MAP2K4: variants seen among roughly 807,000 people sequenced by gnomAD.
MAP2K4 encodes mitogen-activated protein kinase kinase 4, also known as dual specificity mitogen-activated protein kinase kinase 4.
MAP2K4 carries 4 observed loss-of-function variants against 48.5 expected under a neutral mutation model. The ratio of observed to expected loss-of-function variants is 0.08; its 90% CI spans 0.04 to 0.19. The LOEUF (loss-of-function observed/expected upper bound fraction) is 0.19, where lower values mean the gene tolerates loss of function less well. Ranked by LOEUF, MAP2K4 falls within the 10% of genes least tolerant of loss-of-function variation. MAP2K4 has a pLI of 1.00. For synonymous variants in MAP2K4, 166 were observed against 173.1 expected (o/e 0.96, Z 0.32); for missense variants, 258 against 493.3 (o/e 0.52, Z 4.52).
At chr17:12,078,985 G>A (rs1971101594) in intron 2 of MAP2K4, among the ~76,000 whole-genome samples, 1 of 152,172 alleles carries the variant, frequency 6.6e-6, no homozygotes, top group Non-Finnish European at 1.5e-5. Flanking sequence ...ACTGTGGCAT[G>A]TTTTTCTGTG....
In MAP2K4 at chr17:12,134,824, T is replaced by C. The variant is rs146223931; in HGVS notation, c.1041-5015T>C. 6.2e-3 allele frequency among the ~76,000 whole-genome samples: 950 copies of C among 152,366 alleles called. 2 individuals are homozygous for C. Among genetic ancestry groups the C allele is most frequent in the East Asian group, 0.036 (188 of 5,186 alleles). ...ACAGCTATAACAGGAGGAATGTGGT[T>C]ACTTCACATTACTTTGGTGCATTAG... is the stretch of plus-strand genomic sequence containing the variant. On this transcript the variant is annotated intron_variant, in intron 9 of 10. Transcript: ENST00000353533.
In MAP2K4 at chr17:12,066,980, A is replaced by G. The variant is rs571108261; in HGVS notation, c.218+11989A>G. ...GCGTGAGCCACCGCGCCCGGCCCAC[A>G]TGGCTAATTTTTGTATTTTTGGGTA... is the stretch of plus-strand genomic sequence containing the variant. On this transcript the variant is annotated intron_variant, in intron 2 of 10. Coordinates refer to ENST00000353533, the MANE Select transcript of MAP2K4 (RefSeq NM_003010.4). 2.0e-3 allele frequency among the ~76,000 whole-genome samples: 298 copies of G among 152,128 alleles called. 1 individual carries two copies. Among genetic ancestry groups the G allele is most frequent in the African/African-American group, 7.0e-3 (289 of 41,530 alleles).
chr17:12,025,261 A>G (rs1424683937), intron 1 of MAP2K4, among the ~76,000 whole-genome samples: 1 of 152,226 alleles, frequency 6.6e-6, no homozygotes, highest in African/African-American at 2.4e-5. Context: ...CTGTTCAGAA[A>G]TTTCTCATCT....
At chr17:12,059,994 A>G (rs1363556299) in intron 2 of MAP2K4, among the ~76,000 whole-genome samples, 1 of 152,058 alleles carries the variant, frequency 6.6e-6, no homozygotes, top group Non-Finnish European at 1.5e-5. Context: ...GCTGGGCAAC[A>G]TGGCAAAACC....
chr17:12,071,108 T>C (rs575428077), intron 2 of MAP2K4, among the ~76,000 whole-genome samples: 2 of 152,350 alleles, frequency 1.3e-5, no homozygotes, highest in Non-Finnish European at 2.9e-5. Flanking sequence ...CTCCTTTTCT[T>C]TGTTTGGTCT....
At chr17:12,057,461 T>C (rs1970316344) in intron 2 of MAP2K4, among the ~76,000 whole-genome samples, 1 of 152,182 alleles carries the variant, frequency 6.6e-6, no homozygotes, top group Non-Finnish European at 1.5e-5. Flanking sequence ...CTGGAATCTT[T>C]TAGCCTGTTT....
At chr17:12,139,598 T>C (rs763366627) in intron 9 of MAP2K4, among the ~76,000 whole-genome samples, 8 of 152,160 alleles carry the variant, frequency 5.3e-5, no homozygotes, top group Non-Finnish European at 1.0e-4. Flanking sequence ...TTTCAAGAAT[T>C]AATATTTTTT....
At chr17:12,060,730 T>TGTGC (rs1970422671) in intron 2 of MAP2K4, among the ~76,000 whole-genome samples, 2 of 117,236 alleles carry the variant, frequency 1.7e-5, no homozygotes, top group South Asian at 3.4e-4. Flanking sequence ...TACTATGGGG[T>TGTGC]GTGTGTGTGT....
intron 2 of MAP2K4, among the ~76,000 whole-genome samples, chr17:12,065,271 T>TATTATC (rs1380220483): frequency 1.8e-4 from 26 of 143,304 alleles, no homozygotes; most frequent in Non-Finnish European, 3.8e-4. Context: ...TTATTATTAT[T>TATTATC]ATTATTATTA....
At chr17:12,129,800 C>T (rs1036069082) in intron 9 of MAP2K4, among the ~76,000 whole-genome samples, 2 of 152,182 alleles carry the variant, frequency 1.3e-5, no homozygotes, top group Non-Finnish European at 2.9e-5. Flanking sequence ...TCTCTGAAAC[C>T]TTACTCCAAG....
chr17:12,044,084 C>G (rs976278531), intron 1 of MAP2K4, among the ~76,000 whole-genome samples: 2 of 152,164 alleles, frequency 1.3e-5, no homozygotes, highest in African/African-American at 4.8e-5. Flanking sequence ...AAAAGACACT[C>G]CTGTCACTCA....
chr17:12,138,207 T>C (rs1337157622), intron 9 of MAP2K4, among the ~76,000 whole-genome samples: 1 of 151,182 alleles, frequency 6.6e-6, no homozygotes, highest in East Asian at 2.0e-4. Context: ...ATTTATAGAC[T>C]GCTTTGATCC....
chr17:12,094,604 T>A (rs1483157211), intron 3 of MAP2K4, among the ~76,000 whole-genome samples: 2 of 152,226 alleles, frequency 1.3e-5, no homozygotes, highest in African/African-American at 4.8e-5. Context: ...AGAAGTTGTT[T>A]GCATGCTTTG....
chr17:12,047,179 A>AC (rs1969993828), intron 1 of MAP2K4, among the ~76,000 whole-genome samples: 1 of 151,522 alleles, frequency 6.6e-6, no homozygotes, highest in Non-Finnish European at 1.5e-5. Context: ...TTTTTCCTTG[A>AC]CAGTAGAGCC....
intron 7 of MAP2K4, among the ~76,000 whole-genome samples, chr17:12,116,887 T>C (rs1269782109): frequency 2.0e-5 from 3 of 152,202 alleles, no homozygotes; most frequent in Non-Finnish European, 4.4e-5. Context: ...GTGCTATACT[T>C]TTAAATGACT....
intron 1 of MAP2K4, among the ~76,000 whole-genome samples, chr17:12,048,525 T>C (rs568935611): frequency 3.0e-4 from 45 of 152,306 alleles, no homozygotes; most frequent in South Asian, 2.1e-4. Flanking sequence ...CTCACTCTTA[T>C]GTATCAAAGA....
At chr17:12,036,910 T>TC (rs1009993509) in intron 1 of MAP2K4, among the ~76,000 whole-genome samples, 24 of 152,032 alleles carry the variant, frequency 1.6e-4, no homozygotes, top group Non-Finnish European at 3.2e-4. Flanking sequence ...CACCTTTTTT[T>TC]TGTAGCTGTA....
At chr17:12,082,928 G>C (rs1971239694) in intron 3 of MAP2K4, among the ~76,000 whole-genome samples, 1 of 152,200 alleles carries the variant, frequency 6.6e-6, no homozygotes, top group African/African-American at 2.4e-5. Context: ...TGCAGTGTAA[G>C]TGGAAAGAGT....
chr17:12,086,559 T>A (rs887913649), intron 3 of MAP2K4, among the ~76,000 whole-genome samples: 2 of 152,182 alleles, frequency 1.3e-5, no homozygotes, highest in African/African-American at 4.8e-5. Context: ...AAATCAGTAC[T>A]GTTCGGGGTT....
Sources: allele counts gnomAD v4.1 joint callset (sites outside exome capture counted in the v4.1 genomes callset), GRCh38; gene constraint gnomAD v4.1.1; transcripts MANE v1.5; gene names NCBI Gene and HGNC (gene_info 2026-07-23, HGNC 2026-07-21).